Variants in CGGBP1 observed in about 807,000 individuals in gnomAD.
CGGBP1 encodes CGG triplet repeat binding protein 1.
CGGBP1 carries 4 observed loss-of-function variants against 11.4 expected under a neutral mutation model. The observed-to-expected ratio is 0.35, with a 90% confidence interval of 0.17 to 0.80. The LOEUF (loss-of-function observed/expected upper bound fraction) is 0.80. Ranked by LOEUF, CGGBP1 falls within the 30% of genes least tolerant of loss-of-function variation. The pLI is 0.52. For missense variants in CGGBP1, 135 were observed against 202.1 expected, an observed-to-expected ratio of 0.67 and a Z score of 2.01; for synonymous variants, 76 against 74.1, an observed-to-expected ratio of 1.03 and a Z score of -0.13.
intron 2 of CGGBP1, among the ~76,000 whole-genome samples, chr3:88,098,415 G>A (rs1356268028): frequency 1.3e-5 from 2 of 152,150 alleles, no homozygotes; most frequent in African/African-American, 4.8e-5. Flanking sequence ...AAGAGGAGCT[G>A]GTATCATTCG....
At chr3:88,120,876 C>T (rs1411775449) in intron 2 of CGGBP1, among the ~76,000 whole-genome samples, 1 of 151,980 alleles carries the variant, frequency 6.6e-6, no homozygotes, top group African/African-American at 2.4e-5. Flanking sequence ...TATAGTAATT[C>T]AAAGTCTGAT....
intron 2 of CGGBP1, among the ~76,000 whole-genome samples, chr3:88,093,304 A>G (rs1703858939): frequency 6.6e-6 from 1 of 152,224 alleles, no homozygotes; most frequent in South Asian, 2.1e-4. Context: ...GGCAGAAAAT[A>G]TAGACTTTAT....
chr3:88,109,338 T>TACCAA (rs1396267038), intron 2 of CGGBP1, among the ~76,000 whole-genome samples: 1 of 152,168 alleles, frequency 6.6e-6, no homozygotes, highest in African/African-American at 2.4e-5. Flanking sequence ...TTCTGTAAGA[T>TACCAA]ACCAAACCTT....
In CGGBP1 at chr3:88,109,405, G is replaced by A. The variant is rs182191913; in HGVS notation, c.-229+31565C>T. Among the ~76,000 whole-genome samples, 5 of 152,060 alleles carry A rather than the reference G, an allele frequency of 3.3e-5. No homozygotes were observed. In the East Asian group the frequency reaches 9.7e-4, roughly 29 times the overall value. On this transcript the variant is annotated intron_variant, in intron 2 of 3. Coordinates refer to the CGGBP1 transcript ENST00000462901. ...GTTGAGTGTTTTAAATAAAATGTGG[G>A]TAAGAGTTTATTATATTATTGTTTG...
At chr3:88,059,478 T>C (rs749023946), upstream of CGGBP1, 863 of 1,514,386 alleles carry the variant, frequency 5.7e-4, 3 homozygotes, top group Non-Finnish European at 3.6e-4. Context: ...GAATCAGCAG[T>C]CGGGATTACT....
At chr3:88,140,054 A>G (rs1576357530) in intron 2 of CGGBP1, 5 of 1,613,782 alleles carry the variant, frequency 3.1e-6, no homozygotes, top group East Asian at 4.5e-5. Context: ...GTCAAAGGCA[A>G]TTTGAAGATT....
At chr3:88,138,918 C>T (rs1179181509) in intron 2 of CGGBP1, 5 of 1,235,112 alleles carry the variant, frequency 4.0e-6, no homozygotes, top group Non-Finnish European at 5.0e-6. Context: ...GCTTTACAAA[C>T]GTCCAGATGA....
At position 88,113,389 on chromosome 3, in the gene CGGBP1, A is replaced by G. The variant is rs139645009; in HGVS notation, c.-229+27581T>C. 5.3e-3 allele frequency among the ~76,000 whole-genome samples: 813 copies of G among 152,290 alleles called. 5 individuals are homozygous for G. Among genetic ancestry groups the G allele is most frequent in the African/African-American group, 0.017 (698 of 41,582 alleles). On this transcript the variant is annotated intron_variant, in intron 2 of 3. Coordinates refer to the CGGBP1 transcript ENST00000462901. ...TTAATTTTTAACTGTATTTCCAAGC[A>G]GTTCATAGCTGGAATTCCTATTCTA... is the stretch of plus-strand genomic sequence containing the variant.
chr3:88,072,579 G>T (rs573748397), intron 2 of CGGBP1, among the ~76,000 whole-genome samples: 1 of 152,248 alleles, frequency 6.6e-6, no homozygotes, highest in Admixed American at 6.5e-5. Context: ...TTTGCTGTGG[G>T]ATCCTCCACA....
At chr3:88,119,559 A>C (rs1428522676) in intron 2 of CGGBP1, among the ~76,000 whole-genome samples, 4 of 152,076 alleles carry the variant, frequency 2.6e-5, no homozygotes, top group Non-Finnish European at 5.9e-5. Flanking sequence ...TAAAAAAAAA[A>C]AAACAATAAT....
intron 2 of CGGBP1, among the ~76,000 whole-genome samples, chr3:88,111,538 C>T (rs911454079): frequency 2.6e-5 from 4 of 151,682 alleles, no homozygotes; most frequent in African/African-American, 9.7e-5. Context: ...ACTAATGTTC[C>T]GTTAATATTT....
chr3:88,133,351 A>G (rs537932637), intron 2 of CGGBP1, among the ~76,000 whole-genome samples: 4 of 152,300 alleles, frequency 2.6e-5, no homozygotes, highest in African/African-American at 9.6e-5. Flanking sequence ...TTGCCACTGC[A>G]TCCACTAAAC....
chr3:88,113,041 G>A (rs1010625893), intron 2 of CGGBP1: 8 of 1,008,504 alleles, frequency 7.9e-6, no homozygotes, highest in Non-Finnish European at 1.2e-5. Flanking sequence ...TTAGATAGCT[G>A]ATACTGTTTG....
At chr3:88,107,718 T>C (rs368473045) in intron 2 of CGGBP1, among the ~76,000 whole-genome samples, 30 of 152,284 alleles carry the variant, frequency 2.0e-4, no homozygotes, top group African/African-American at 7.0e-4. Flanking sequence ...TTTTTCAGTG[T>C]ACCAATTTTT....
intron 2 of CGGBP1, among the ~76,000 whole-genome samples, chr3:88,072,539 A>C (rs752499864): frequency 2.0e-4 from 30 of 152,190 alleles, no homozygotes; most frequent in African/African-American, 1.4e-4. Context: ...TTTGTCTGCC[A>C]GAAACATGTT....
chr3:88,124,051 G>T (rs1000886581), intron 2 of CGGBP1, among the ~76,000 whole-genome samples: 2 of 152,090 alleles, frequency 1.3e-5, no homozygotes, highest in African/African-American at 2.4e-5. Context: ...CTTTAACATG[G>T]TGACATGTGG....
intron 2 of CGGBP1, among the ~76,000 whole-genome samples, chr3:88,111,741 C>A (rs1374253977): frequency 2.0e-5 from 3 of 151,918 alleles, no homozygotes; most frequent in Non-Finnish European, 4.4e-5. Context: ...GGTATGTGTA[C>A]ATTTTAAATT....
chr3:88,061,658 A>G (rs543933817), upstream of CGGBP1, among the ~76,000 whole-genome samples: 51 of 152,274 alleles, frequency 3.3e-4, no homozygotes, highest in Middle Eastern at 3.4e-3. Context: ...AATTTTATCT[A>G]CTGAGAAATA....
At chr3:88,096,672 C>T (rs1247231106) in intron 2 of CGGBP1, among the ~76,000 whole-genome samples, 1 of 151,852 alleles carries the variant, frequency 6.6e-6, no homozygotes, top group Non-Finnish European at 1.5e-5. Context: ...TATAATGTAC[C>T]CTTTTAGCGG....
Sources: gnomAD v4.1 joint callset for allele counts (sites outside exome capture counted in the v4.1 genomes callset) on GRCh38, gnomAD v4.1.1 for gene constraint, MANE v1.5 for transcripts, NCBI Gene and HGNC (gene_info 2026-07-23, HGNC 2026-07-21) for gene names.